NOM1: variants seen among roughly 807,000 people sequenced by gnomAD.
The protein encoded by NOM1 is nucleolar protein with MIF4G domain 1, also known as nucleolar MIF4G domain-containing protein 1.
In NOM1, 58 loss-of-function variants were observed where a neutral mutation model predicts 73.3. That is an observed-to-expected ratio of 0.79 (90% confidence interval 0.64 to 0.99). The LOEUF is 0.99. Ranked by LOEUF, NOM1 falls within the 50% of genes least tolerant of loss-of-function variation. The probability of loss-of-function intolerance (pLI) is 0.00; values close to 1 mark genes in which losing one functional copy is unlikely to be tolerated. For synonymous variants in NOM1, 487 were observed against 446.8 expected (o/e 1.09, Z -1.14); for missense variants, 1,226 against 1,131.9 (o/e 1.08, Z -1.19).
In NOM1 at chr7:156,963,039, A is replaced by G. The variant is rs1804903778; in HGVS notation, c.1775A>G (p.Gln592Arg). 1 of 1,613,408 alleles carries G rather than the reference A, an allele frequency of 6.2e-7. No individual in the cohort carries two copies. Among genetic ancestry groups the G allele is most frequent in the South Asian group, 1.1e-5 (1 of 91,068 alleles). ...VRNAGSGSET[Q>R]LRVSWDSVLS... is the part of the protein sequence containing the mutation. The stretch of plus-strand genomic sequence containing the variant: ...AACGCCGGCTCAGGTTCTGAGACGC[A>G]GCTTCGCGTCTCCTGGGACAGTGTC... Residue 592 changes from glutamine to arginine, a missense_variant, in exon 6 of 11, where the codon CAG becomes CGG. Physicochemically the swap from Gln to Arg is conservative, Grantham distance 43. Transcript: ENST00000275820.
intron 9 of NOM1, among the ~76,000 whole-genome samples, chr7:156,967,588 G>A (rs1805030586): frequency 5.3e-5 from 8 of 152,184 alleles, no homozygotes; most frequent in Admixed American, 4.6e-4. Flanking sequence ...CTGGAGTGCA[G>A]TGGTGCAATC....
Position 156,963,047 on chromosome 7 carries a change from G to A in NOM1, c.1783G>A (p.Val595Ile), listed in dbSNP as rs149569042. Residue 595 changes from valine to isoleucine, a missense_variant, in exon 6 of 11, where the codon GTC becomes ATC. Val to Ile is a conservative substitution (Grantham distance 29). Coordinates refer to ENST00000275820, the MANE Select transcript of NOM1 (RefSeq NM_138400.2). ...AGSGSETQLRVSWDSVLSAEQ... is the reference protein window; with the variant it reads ...AGSGSETQLRISWDSVLSAEQ... ...CTCAGGTTCTGAGACGCAGCTTCGC[G>A]TCTCCTGGGACAGTGTCTTGAGTGC... is the stretch of plus-strand genomic sequence containing the variant. The A allele has an allele frequency of 5.6e-5, 90 of 1,613,618 alleles. No homozygotes were observed. The Admixed American group carries it at 5.7e-4, about 10-fold the overall frequency.
chr7:156,962,534 G>GCTTTCA (rs1804892180), intron 5 of NOM1, among the ~76,000 whole-genome samples: 2 of 152,196 alleles, frequency 1.3e-5, no homozygotes, highest in Non-Finnish European at 1.5e-5. Flanking sequence ...CTGCACCATT[G>GCTTTCA]GATCATCCGA....
At chr7:156,967,202 C>T (rs1363466783) in intron 9 of NOM1, 110 bp downstream of exon 9, 8 of 1,301,078 alleles carry the variant, frequency 6.1e-6, no homozygotes, top group Non-Finnish European at 7.3e-6. Context: ...GATTCTGATT[C>T]ATCTGAAAAG....
intron 7 of NOM1, among the ~76,000 whole-genome samples, chr7:156,965,003 C>G (rs1378331116): frequency 6.6e-6 from 1 of 152,228 alleles, no homozygotes; most frequent in Non-Finnish European, 1.5e-5. Flanking sequence ...TAGTTTTTCC[C>G]ATTCTTATTC....
intron 7 of NOM1, 178 bp from the exon 8 acceptor site, chr7:156,966,092 C>T (rs569808923): frequency 4.3e-6 from 3 of 692,196 alleles, no homozygotes; most frequent in South Asian, 3.7e-5. Context: ...AACCTGAGGA[C>T]CAGAGAGGTT....
Position 156,966,552 on chromosome 7 carries a change from C to T in NOM1, c.2166+150C>T, listed in dbSNP as rs374470182. The T allele has an allele frequency of 2.6e-4, 235 of 904,104 alleles. No homozygotes were observed. In the African/African-American group the frequency reaches 3.5e-3, roughly 13 times the overall value. 56.0% of individuals were successfully genotyped at this position (904,104 alleles called of 1,614,324 possible). On this transcript the variant is annotated intron_variant, in intron 8 of 10. Transcript: ENST00000275820. ...TCCACGCTGGCTGCCAGGCCACCTT[C>T]ACTGGGAGCGGAAGTGGGAGGGCTA... is the stretch of plus-strand genomic sequence containing the variant.
intron 7 of NOM1, among the ~76,000 whole-genome samples, chr7:156,965,073 G>A (rs984302474): frequency 3.9e-5 from 6 of 152,238 alleles, no homozygotes; most frequent in Non-Finnish European, 7.3e-5. Context: ...AATCAATGCA[G>A]CTGAAACTCA....
Position 156,962,208 on chromosome 7 carries a change from C to G in NOM1, c.1690C>G (p.Pro564Ala), listed in dbSNP as rs887060011. 1.2e-6 allele frequency: 2 copies of G among 1,614,088 alleles called. No individual in the cohort carries two copies. The highest frequency in any genetic ancestry group is 1.7e-5 in the Admixed American group (1 of 60,028). The part of the protein sequence containing the change: ...ALKNNDMRKI[P>A]GYDPEPVEKL... Reference sequence around the variant, plus strand: ...GAAGAACAATGACATGCGCAAAATTCCAGGCTATGACCCCGAGCCCGTGGA... The same window carrying G: ...GAAGAACAATGACATGCGCAAAATTGCAGGCTATGACCCCGAGCCCGTGGA... The change falls in exon 5 of 11, where the codon CCA becomes GCA. Residue 564 changes from proline (P) to alanine (A), a missense_variant. Physicochemically the swap from Pro to Ala is conservative, Grantham distance 27 (BLOSUM62 -1). Coordinates refer to ENST00000275820, the MANE Select transcript of NOM1 (RefSeq NM_138400.2).
intron 3 of NOM1, among the ~76,000 whole-genome samples, chr7:156,956,342 A>G (rs11979077): frequency 0.25 from 38,656 of 152,106 alleles, 5,168 homozygotes; most frequent in East Asian, 0.47. Context: ...ACTTAGATGA[A>G]CTTGTGCCTC....
At position 156,950,395 on chromosome 7, in the gene NOM1, C is replaced by T. The variant is rs1230733507; in HGVS notation, c.658C>T (p.Leu220=). 1.9e-6 allele frequency: 3 copies of T among 1,614,122 alleles called. No individual in the cohort carries two copies. The African/African-American group carries it at 4.0e-5, about 22-fold the overall frequency. ...SFARDGLDYI[L]GALESGKNSG... Reference sequence around the variant, plus strand: ...TGCACGCGACGGTCTTGACTATATTCTGGGAGCCCTGGAGTCTGGGAAAAA... The same window carrying T: ...TGCACGCGACGGTCTTGACTATATTTTGGGAGCCCTGGAGTCTGGGAAAAA... The change falls in exon 1 of 11, where the codon CTG becomes TTG. Residue 220 remains leucine, a synonymous_variant. Coordinates refer to ENST00000275820, the MANE Select transcript of NOM1 (RefSeq NM_138400.2).
In NOM1 at chr7:156,972,005, G is replaced by A. The variant is rs1022290577; in HGVS notation, c.*2302G>A. The A allele has an allele frequency of 1.3e-5, 2 of 152,256 alleles. No homozygotes were observed. The highest frequency in any genetic ancestry group is 2.9e-5 in the Non-Finnish European group (2 of 68,054). 9.4% of individuals were successfully genotyped at this position (152,256 alleles called of 1,614,324 possible). A position where few individuals can be genotyped will look rare whatever the true frequency, so the allele number is the denominator to read the frequency against. ...AGTGTCTTTGCTGGGTGGTGATTGG[G>A]ATGTAACAGATCAGTTCTACTGGAC... On this transcript the variant is annotated 3_prime_UTR_variant, in exon 11 of 11. Transcript: ENST00000275820.
At chr7:156,966,738 A>C (rs1805008211) in intron 8 of NOM1, among the ~76,000 whole-genome samples, 1 of 151,738 alleles carries the variant, frequency 6.6e-6, no homozygotes, top group Non-Finnish European at 1.5e-5. Context: ...TTCTGTTAGT[A>C]TCTGCTGATT....
In NOM1 at chr7:156,969,289, C is replaced by T. The variant is rs558079609; in HGVS notation, c.2408+93C>T. On this transcript the variant is annotated intron_variant, in intron 10 of 10. Coordinates refer to ENST00000275820, the MANE Select transcript of NOM1 (RefSeq NM_138400.2). ...TTTACAAACACAAGGTTGTACTATA[C>T]GTGTAGCTTAATCTTTTCGGTTTTA... The T allele has an allele frequency of 1.0e-4, 84 of 824,312 alleles. 1 individual carries two copies. The highest frequency in any genetic ancestry group is 8.0e-4 in the South Asian group (52 of 65,048). 51.1% of individuals were successfully genotyped at this position (824,312 alleles called of 1,614,324 possible).
chr7:156,966,486 G>C lies in NOM1; in HGVS notation c.2166+84G>C. 3 of 1,523,744 alleles carry C rather than the reference G, an allele frequency of 2.0e-6. No homozygotes were observed. The East Asian group carries it at 6.8e-5, about 34-fold the overall frequency. The allele number at this position is 1,523,744 out of a possible 1,614,324, so 94.4% of individuals were successfully genotyped here. A position where few individuals can be genotyped will look rare whatever the true frequency, so the allele number is the denominator to read the frequency against. ...CCTGGCTCAACCCACCTGCAAAGGA[G>C]TTCCCCAAGTCAGGAGGCCCCTGAT... On this transcript the variant is annotated intron_variant, in intron 8 of 10. Transcript: ENST00000275820.
rs1297505153 is a variant in NOM1, at chr7:156,950,727, A to G, written c.987+3A>G. The G allele has an allele frequency of 6.4e-7, 1 of 1,550,420 alleles. No homozygotes were observed. The highest frequency in any genetic ancestry group is 8.7e-7 in the Non-Finnish European group (1 of 1,146,320). Reference sequence around the variant, plus strand: ...AGGACGGTGACATAACGGATAAGGTATCGTGTGAACACTCTCTAGGCCCTC... The same window carrying G: ...AGGACGGTGACATAACGGATAAGGTGTCGTGTGAACACTCTCTAGGCCCTC... On this transcript the variant is annotated splice_donor_region_variant and intron_variant, in intron 1 of 10. Transcript: ENST00000275820.
rs1210089406 is a variant in NOM1 at position 156,949,928 on chromosome 7, G to T, written c.191G>T (p.Gly64Val). ...ACTTCGGAAGGCGAGGCTCCCGGGGGTTGCGAGGGGCGCGGCGCCCCGGTG... is the reference window on the plus strand; with the variant it reads ...ACTTCGGAAGGCGAGGCTCCCGGGGTTTGCGAGGGGCGCGGCGCCCCGGTG... The part of the protein sequence containing the change: ...HATSEGEAPG[G>V]CEGRGAPVSF... The change falls in exon 1 of 11, where the codon GGT becomes GTT. Residue 64 changes from glycine to valine, a missense_variant. Gly to Val is a moderately radical substitution (Grantham distance 109). Transcript: ENST00000275820. The T allele has an allele frequency of 1.9e-6, 3 of 1,542,360 alleles. No individual in the cohort carries two copies. Among genetic ancestry groups the T allele is most frequent in the South Asian group, 2.4e-5 (2 of 83,952 alleles).
rs371215482 is a variant in NOM1, at chr7:156,969,604, C to T, written c.2484C>T (p.Asn828=). 2.0e-5 allele frequency: 32 copies of T among 1,614,016 alleles called. No homozygotes were observed. The highest frequency in any genetic ancestry group is 1.1e-4 in the African/African-American group (8 of 75,000). Residue 828 remains asparagine (N), a synonymous_variant, in exon 11 of 11, where the codon AAC becomes AAT. Coordinates refer to ENST00000275820, the MANE Select transcript of NOM1 (RefSeq NM_138400.2). ...TCATCAGCCACTTCTTGCTAAAGAA[C>T]GCACAGGCCCACAGAAGCGCCGACG... ...KLFISHFLLK[N]AQAHRSADEA...
At chr7:156,967,155 G>GATTTACCA in intron 9 of NOM1, 63 bp downstream of exon 9, 1 of 1,546,364 alleles carries the variant, frequency 6.5e-7, no homozygotes, top group Non-Finnish European at 8.8e-7. Flanking sequence ...TTTAGTACCT[G>GATTTACCA]GTAAATCAGG....
Sources: allele counts gnomAD v4.1 joint callset (sites outside exome capture counted in the v4.1 genomes callset), GRCh38; gene constraint gnomAD v4.1.1; transcripts MANE v1.5; gene names NCBI Gene and HGNC (gene_info 2026-07-23, HGNC 2026-07-21).